Variants in PDE4D observed in about 807,000 individuals in gnomAD.
The protein encoded by PDE4D is phosphodiesterase 4D, also known as 3',5'-cyclic-AMP phosphodiesterase 4D.
PDE4D carries 24 observed loss-of-function variants against 87.4 expected under a neutral mutation model. The ratio of observed to expected loss-of-function variants is 0.27; its 90% confidence interval spans 0.20 to 0.39. The LOEUF (loss-of-function observed/expected upper bound fraction) is 0.39. PDE4D is among the 10% of genes least tolerant of loss of function. PDE4D has a pLI of 1.00. For synonymous variants in PDE4D, 384 were observed against 383.2 expected (o/e 1.00, Z -0.02); for missense variants, 714 against 1,041.0 (o/e 0.69, Z 4.32).
intron 1 of PDE4D, among the ~76,000 whole-genome samples, chr5:59,345,938 C>G (rs530226869): frequency 1.6e-4 from 25 of 152,248 alleles, no homozygotes; most frequent in African/African-American, 6.0e-4. Flanking sequence ...CATAATGGCT[C>G]TAATTCATAA....
intron 5 of PDE4D, among the ~76,000 whole-genome samples, chr5:59,092,915 A>G (rs937223743): frequency 2.0e-5 from 3 of 152,116 alleles, no homozygotes; most frequent in African/African-American, 7.2e-5. Context: ...CTCCTCAGCT[A>G]TCGTTCCCCT....
intron 1 of PDE4D, among the ~76,000 whole-genome samples, chr5:59,477,987 A>T (rs1038952601): frequency 3.3e-5 from 5 of 152,018 alleles, no homozygotes; most frequent in African/African-American, 1.2e-4. Flanking sequence ...TGGGAGCTAA[A>T]CACCGAGTAC....
At chr5:60,435,990 G>A (rs1744729974) in intron 1 of PDE4D, among the ~76,000 whole-genome samples, 1 of 152,062 alleles carries the variant, frequency 6.6e-6, no homozygotes, top group Non-Finnish European at 1.5e-5. Flanking sequence ...GGCTAGTAGG[G>A]AAAAGGAACA....
intron 2 of PDE4D, among the ~76,000 whole-genome samples, chr5:60,021,077 G>A (rs1181290548): frequency 1.3e-5 from 2 of 152,148 alleles, no homozygotes. Context: ...TATAGCTGTA[G>A]CCTTCATTTA....
intron 1 of PDE4D, among the ~76,000 whole-genome samples, chr5:59,481,133 T>A (rs1804181563): frequency 6.6e-6 from 1 of 152,120 alleles, no homozygotes; most frequent in African/African-American, 2.4e-5. Flanking sequence ...AAGGCGCAGC[T>A]ATTCTGACCG....
At chr5:60,098,566 C>A (rs537629714) in intron 2 of PDE4D, among the ~76,000 whole-genome samples, 1 of 151,798 alleles carries the variant, frequency 6.6e-6, no homozygotes, top group East Asian at 1.9e-4. Flanking sequence ...TTTGTAATTT[C>A]TTTCTCAAAT....
intron 1 of PDE4D, among the ~76,000 whole-genome samples, chr5:59,652,213 C>T (rs988194548): frequency 2.0e-5 from 3 of 152,186 alleles, no homozygotes; most frequent in African/African-American, 7.2e-5. Flanking sequence ...CAGAGGCAAT[C>T]TTCTTCTCTT....
upstream of PDE4D, among the ~76,000 whole-genome samples, chr5:59,894,343 G>A (rs1392985782): frequency 1.3e-5 from 2 of 152,226 alleles, no homozygotes; most frequent in Admixed American, 1.3e-4. Context: ...CAAAGATAAG[G>A]AATGTGACCA....
chr5:60,342,975 T>C (rs1426156163), intron 1 of PDE4D, among the ~76,000 whole-genome samples: 1 of 152,232 alleles, frequency 6.6e-6, no homozygotes, highest in Non-Finnish European at 1.5e-5. Context: ...TTCCTTTAAA[T>C]TTATTAATTT....
At chr5:59,449,663 C>T (rs928550788) in intron 1 of PDE4D, among the ~76,000 whole-genome samples, 6 of 152,022 alleles carry the variant, frequency 3.9e-5, no homozygotes, top group East Asian at 1.9e-4. Flanking sequence ...GTTTTCAGCA[C>T]GTTAAAAATG....
rs528947488 is a variant in PDE4D, at chr5:59,647,790, TAGAA to T, written c.455+245374_455+245377del. Among the ~76,000 whole-genome samples the T allele has an allele frequency of 1.3e-3, 202 of 152,300 alleles. 1 individual carries two copies. The highest frequency in any genetic ancestry group is 4.7e-3 in the African/African-American group (195 of 41,578). On this transcript the variant is annotated intron_variant, in intron 1 of 14. Transcript: ENST00000340635. ...ATAAAGATCTGAATTAAAATTAACTTAGAAAGTAATTTTGTCTTATGAGATGACT... is the reference window on the plus strand; with the variant it reads ...ATAAAGATCTGAATTAAAATTAACTTAGTAATTTTGTCTTATGAGATGACT...
Position 59,573,942 on chromosome 5 carries a change from G to A in PDE4D, c.455+319226C>T, listed in dbSNP as rs186390527. Among the ~76,000 whole-genome samples, 17 of 143,526 alleles carry A rather than the reference G, an allele frequency of 1.2e-4. No homozygotes were observed. In the East Asian group the frequency reaches 3.0e-3, roughly 26 times the overall value. The allele number at this position is 143,526 out of a possible 152,430, so 94.2% of individuals were successfully genotyped here. A position where few individuals can be genotyped will look rare whatever the true frequency, so the allele number is the denominator to read the frequency against. On this transcript the variant is annotated intron_variant, in intron 1 of 14. Coordinates refer to ENST00000340635, the MANE Select transcript of PDE4D (RefSeq NM_001104631.2). ...GAAACTGGGAGGCAGAGGTTGCAGT[G>A]GGATGACATCACACCACTGCACTCC...
intron 1 of PDE4D, among the ~76,000 whole-genome samples, chr5:59,484,868 T>C (rs757898483): frequency 6.6e-6 from 1 of 151,834 alleles, no homozygotes; most frequent in Non-Finnish European, 1.5e-5. Context: ...TCTGAATTTC[T>C]CTGAGAGTTC....
chr5:59,039,472 G>C (rs1262933951), intron 5 of PDE4D: 4 of 986,538 alleles, frequency 4.1e-6, no homozygotes, highest in African/African-American at 1.7e-5. Flanking sequence ...CACGGCACTT[G>C]AAGTGAATGA....
At position 58,976,294 on chromosome 5, in the gene PDE4D, C is replaced by A; in HGVS notation, c.1830+56G>T. 3 of 1,544,702 alleles carry A rather than the reference C, an allele frequency of 1.9e-6. No individual in the cohort carries two copies. In the South Asian group the frequency reaches 3.7e-5, roughly 19 times the overall value. On this transcript the variant is annotated intron_variant, in intron 13 of 14. Coordinates refer to ENST00000340635, the MANE Select transcript of PDE4D (RefSeq NM_001104631.2). ...ATCTTATCAAAGCTGAACACGCAGACATGTGCACATGTGCACAGACACACA... is the reference window on the plus strand; with the variant it reads ...ATCTTATCAAAGCTGAACACGCAGAAATGTGCACATGTGCACAGACACACA...
intron 1 of PDE4D, among the ~76,000 whole-genome samples, chr5:59,427,817 CA>C (rs11356537): frequency 0.14 from 9,131 of 66,554 alleles, 676 homozygotes; most frequent in African/African-American, 0.3. Context: ...GACCCTGTCT[CA>C]AAAAAAAAAA....
intron 5 of PDE4D, among the ~76,000 whole-genome samples, chr5:59,127,600 T>TCCCCCCCC (rs1170462233): frequency 1.4e-3 from 135 of 97,012 alleles, no homozygotes; most frequent in South Asian, 2.5e-3. Flanking sequence ...CTTCTTTCCC[T>TCCCCCCCC]CCCCACCCCC....
intron 1 of PDE4D, among the ~76,000 whole-genome samples, chr5:59,315,860 G>A (rs1773612848): frequency 6.6e-6 from 1 of 151,566 alleles, no homozygotes; most frequent in African/African-American, 2.4e-5. Flanking sequence ...TGAGCACGCG[G>A]CGATTAGCCA....
intron 2 of PDE4D, among the ~76,000 whole-genome samples, chr5:60,109,776 C>T (rs527672489): frequency 3.9e-5 from 6 of 151,984 alleles, no homozygotes; most frequent in African/African-American, 1.4e-4. Context: ...AAACCAAACA[C>T]CGCATATTCT....
Sources: allele counts gnomAD v4.1 joint callset (sites outside exome capture counted in the v4.1 genomes callset), GRCh38; gene constraint gnomAD v4.1.1; transcripts MANE v1.5; gene names NCBI Gene and HGNC (gene_info 2026-07-23, HGNC 2026-07-21).